The following PTPRG variants were observed in gnomAD, a reference collection of about 807,000 sequenced individuals.
PTPRG encodes protein tyrosine phosphatase receptor type G, also known as receptor-type tyrosine-protein phosphatase gamma.
PTPRG carries 102 observed loss-of-function variants against 165.3 expected under a neutral mutation model. The observed-to-expected ratio is 0.62, with a 90% confidence interval of 0.53 to 0.73. PTPRG has a LOEUF of 0.73. PTPRG is among the 30% of genes least tolerant of loss of function. PTPRG has a pLI of 0.00. For missense variants in PTPRG, 1,866 were observed against 1,861.4 expected, an observed-to-expected ratio of 1.00 and a Z score of -0.05; for synonymous variants, 675 against 669.5, an observed-to-expected ratio of 1.01 and a Z score of -0.13.
intron 2 of PTPRG, among the ~76,000 whole-genome samples, chr3:61,985,027 T>C (rs1166554278): frequency 6.6e-6 from 1 of 152,254 alleles, no homozygotes; most frequent in African/African-American, 2.4e-5. Context: ...AAGATAGCCA[T>C]GTGGTCTCAC....
intron 5 of PTPRG, among the ~76,000 whole-genome samples, chr3:62,089,368 C>G (rs1701854881): frequency 1.3e-5 from 2 of 152,150 alleles, no homozygotes; most frequent in African/African-American, 4.8e-5. Context: ...TCCCCATGTT[C>G]CTCTTTTTCT....
chr3:62,068,023 G>T (rs1701078099), intron 4 of PTPRG, among the ~76,000 whole-genome samples: 1 of 152,130 alleles, frequency 6.6e-6, no homozygotes, highest in Non-Finnish European at 1.5e-5. Context: ...TTGTGTGGTA[G>T]AACAGTTTTA....
intron 4 of PTPRG, among the ~76,000 whole-genome samples, chr3:62,056,089 G>A (rs1700625147): frequency 6.6e-6 from 1 of 152,136 alleles, no homozygotes; most frequent in Admixed American, 6.5e-5. Flanking sequence ...TATACATTAG[G>A]GAAATACATT....
intron 8 of PTPRG, among the ~76,000 whole-genome samples, chr3:62,169,839 C>T (rs1315037234): frequency 6.6e-6 from 1 of 151,918 alleles, no homozygotes; most frequent in Admixed American, 6.6e-5. Context: ...GTGCCCCCAC[C>T]CCCAACAAAA....
intron 2 of PTPRG, among the ~76,000 whole-genome samples, chr3:61,761,586 GAAAC>G (rs58659958): frequency 4.0e-4 from 60 of 151,134 alleles, no homozygotes; most frequent in South Asian, 6.3e-4. Context: ...TCAAAACAAA[GAAAC>G]AAACAAACAA....
At chr3:62,039,318 TATAC>T (rs1700054120) in intron 4 of PTPRG, among the ~76,000 whole-genome samples, 1 of 151,852 alleles carries the variant, frequency 6.6e-6, no homozygotes, top group Admixed American at 6.6e-5. Context: ...CTAACACGTA[TATAC>T]AACTTAAGTT....
intron 2 of PTPRG, among the ~76,000 whole-genome samples, chr3:61,825,914 G>C (rs2036096608): frequency 1.4e-5 from 2 of 145,600 alleles, no homozygotes; most frequent in South Asian, 4.5e-4. Context: ...GCCTCCCAAA[G>C]TGCTGGGATT....
intron 1 of PTPRG, among the ~76,000 whole-genome samples, chr3:61,574,355 G>A (rs1402292983): frequency 6.6e-6 from 1 of 152,220 alleles, no homozygotes; most frequent in Non-Finnish European, 1.5e-5. Flanking sequence ...TGAGACAGAT[G>A]TTGGCTGGTG....
At chr3:61,606,050 A>G (rs187792783) in intron 1 of PTPRG, among the ~76,000 whole-genome samples, 28 of 152,302 alleles carry the variant, frequency 1.8e-4, no homozygotes, top group African/African-American at 6.7e-4. Context: ...ATAACAAATT[A>G]CCATAAACTC....
intron 1 of PTPRG, among the ~76,000 whole-genome samples, chr3:61,638,355 C>A (rs1042391719): frequency 6.6e-6 from 1 of 151,896 alleles, no homozygotes; most frequent in African/African-American, 2.4e-5. Context: ...AATGTGTAGA[C>A]CCCTTTTCAA....
intron 2 of PTPRG, among the ~76,000 whole-genome samples, chr3:61,851,415 C>T (rs1008428828): frequency 5.3e-5 from 8 of 151,826 alleles, no homozygotes; most frequent in African/African-American, 1.5e-4. Flanking sequence ...AAAAGAAAAC[C>T]GAGCTGCTTT....
In PTPRG at chr3:62,167,971, C is replaced by T. The variant is rs749870410; in HGVS notation, c.841C>T (p.Leu281Phe). The stretch of plus-strand genomic sequence containing the variant: ...CTCCCCTCTCTGGTCCTCTGTTCAG[C>T]TTGAGGCTTTTTATTCCATCTTCAC... Reference protein sequence around the residue: ...RRPVPISYHQLEAFYSIFTTE... With the variant: ...RRPVPISYHQFEAFYSIFTTE... The change falls in exon 8 of 30, where the codon CTT (leucine) becomes TTT (phenylalanine). Residue 281 changes from leucine to phenylalanine, a missense_variant and splice_region_variant. By Grantham distance (22) the Leu-to-Phe change is conservative. Coordinates refer to ENST00000474889, the MANE Select transcript of PTPRG (RefSeq NM_002841.4). The T allele has an allele frequency of 6.2e-7, 1 of 1,611,156 alleles. No homozygotes were observed. Among genetic ancestry groups the T allele is most frequent in the South Asian group, 1.1e-5 (1 of 90,990 alleles).
At chr3:61,908,229 C>G (rs1207476763) in intron 2 of PTPRG, among the ~76,000 whole-genome samples, 1 of 150,456 alleles carries the variant, frequency 6.6e-6, no homozygotes. Context: ...AGTTCGAGAC[C>G]AGCCTGGCCA....
intron 1 of PTPRG, among the ~76,000 whole-genome samples, chr3:61,728,589 A>T (rs1444547972): frequency 6.6e-6 from 1 of 152,160 alleles, no homozygotes; most frequent in Non-Finnish European, 1.5e-5. Context: ...TCTCAAAAAA[A>T]ACAAGTTAAA....
At chr3:62,101,261 T>C (rs112526138) in intron 5 of PTPRG, among the ~76,000 whole-genome samples, 23 of 152,284 alleles carry the variant, frequency 1.5e-4, no homozygotes, top group Admixed American at 7.2e-4. Flanking sequence ...TTCTATTGCA[T>C]CACGAGATGC....
At chr3:61,965,295 A>G (rs2040245244) in intron 2 of PTPRG, among the ~76,000 whole-genome samples, 1 of 151,094 alleles carries the variant, frequency 6.6e-6, no homozygotes, top group Non-Finnish European at 1.5e-5. Context: ...ACGGTGGCTC[A>G]CACCCAACAT....
chr3:61,804,951 A>G (rs1227865036), intron 2 of PTPRG, among the ~76,000 whole-genome samples: 1 of 152,106 alleles, frequency 6.6e-6, no homozygotes, highest in Admixed American at 6.5e-5. Context: ...GCACATTACA[A>G]AGAGTTTGAC....
chr3:61,963,793 C>T (rs1305309938), intron 2 of PTPRG, among the ~76,000 whole-genome samples: 1 of 151,654 alleles, frequency 6.6e-6, no homozygotes, highest in East Asian at 1.9e-4. Context: ...TGGGCTTGTC[C>T]TTTGGGAGAA....
chr3:61,791,591 G>C (rs995528267), intron 2 of PTPRG, among the ~76,000 whole-genome samples: 2 of 152,110 alleles, frequency 1.3e-5, no homozygotes, highest in Admixed American at 6.6e-5. Context: ...AGGTTCAAGC[G>C]ATTCTCCTGC....
Sources: gnomAD v4.1 joint callset for allele counts (sites outside exome capture counted in the v4.1 genomes callset) on GRCh38, gnomAD v4.1.1 for gene constraint, MANE v1.5 for transcripts, NCBI Gene and HGNC (gene_info 2026-07-23, HGNC 2026-07-21) for gene names.